The following RPH3A variants were observed in gnomAD, a reference collection of about 807,000 sequenced individuals.
RPH3A encodes rabphilin-3A.
In RPH3A, 48 loss-of-function variants were observed where a neutral mutation model predicts 102.2. That is an observed-to-expected ratio of 0.47 (90% CI 0.37 to 0.60). The LOEUF (loss-of-function observed/expected upper bound fraction) is 0.60. RPH3A is among the 20% of genes least tolerant of loss of function. RPH3A has a pLI of 0.00. For missense variants in RPH3A, 781 were observed against 910.1 expected (o/e 0.86, Z 1.83); for synonymous variants, 310 against 324.3 (o/e 0.96, Z 0.47).
chr12:112,680,237 A>G (rs879503721), intron 1 of RPH3A, among the ~76,000 whole-genome samples: 6 of 152,194 alleles, frequency 3.9e-5, no homozygotes, highest in Non-Finnish European at 8.8e-5. Context: ...GGAGAGTTTT[A>G]TGTGGTTGAA....
At chr12:112,771,697 C>T (rs190269776) in intron 1 of RPH3A, among the ~76,000 whole-genome samples, 3 of 152,298 alleles carry the variant, frequency 2.0e-5, no homozygotes, top group East Asian at 3.9e-4. Flanking sequence ...CAAGATGGCT[C>T]ACTTCTTCAT....
intron 4 of RPH3A, 129 bp downstream of exon 4, chr12:112,836,631 T>A (rs569978110): frequency 2.8e-5 from 10 of 356,656 alleles, no homozygotes; most frequent in African/African-American, 1.7e-4. Flanking sequence ...AACATTTTTT[T>A]AAAAAGCTAA....
chr12:112,828,494 G>A (rs2041918213), intron 3 of RPH3A, 105 bp downstream of exon 3: 1 of 820,514 alleles, frequency 1.2e-6, no homozygotes, highest in Non-Finnish European at 2.0e-6. Context: ...CTGAGGAAGG[G>A]GGAGAGGAAC....
At chr12:112,751,732 A>C (rs905877929) in intron 1 of RPH3A, among the ~76,000 whole-genome samples, 1 of 152,204 alleles carries the variant, frequency 6.6e-6, no homozygotes, top group African/African-American at 2.4e-5. Context: ...CCTAGGCAAC[A>C]TAGGAAGACC....
chr12:112,807,192 A>T (rs944114785), intron 2 of RPH3A, among the ~76,000 whole-genome samples: 1 of 152,062 alleles, frequency 6.6e-6, no homozygotes, highest in African/African-American at 2.4e-5. Flanking sequence ...GATGTGATCC[A>T]TATTTTGAAA....
At chr12:112,638,051 G>T (rs927863619) in intron 1 of RPH3A, among the ~76,000 whole-genome samples, 1 of 151,972 alleles carries the variant, frequency 6.6e-6, no homozygotes, top group Admixed American at 6.6e-5. Context: ...CACGGGTCTG[G>T]ACCTCTCATG....
chr12:112,767,912 G>A (rs1224919414), intron 1 of RPH3A, among the ~76,000 whole-genome samples: 4 of 152,150 alleles, frequency 2.6e-5, no homozygotes, highest in African/African-American at 9.7e-5. Flanking sequence ...TCCAGAAGAG[G>A]CAAATCCATA....
chr12:112,795,050 C>G (rs990618481), intron 2 of RPH3A, among the ~76,000 whole-genome samples: 2 of 152,220 alleles, frequency 1.3e-5, no homozygotes, highest in Non-Finnish European at 2.9e-5. Context: ...TGCCTTTCTC[C>G]TTCTTATTGC....
chr12:112,712,963 C>CTTCTTCTTCTTCTTCT (rs1565856983), intron 1 of RPH3A, among the ~76,000 whole-genome samples: 1 of 77,948 alleles, frequency 1.3e-5, no homozygotes, highest in African/African-American at 4.9e-5. Context: ...TCTTCTTCTT[C>CTTCTTCTTCTTCTTCT]TTTCTTCTTC....
rs373208928 is a variant in RPH3A at position 112,858,096 on chromosome 12, G to C, written c.231-7318G>C. 2.4e-4 allele frequency among the ~76,000 whole-genome samples: 37 copies of C among 151,900 alleles called. 1 individual carries two copies. Among genetic ancestry groups the C allele is most frequent in the South Asian group, 1.9e-3 (9 of 4,798 alleles). ...AAGACGAGCCTGAGCAATATAGTGA[G>C]ACCTCATATCTATAAAAAATAATAG... On this transcript the variant is annotated intron_variant, in intron 5 of 21. Coordinates refer to ENST00000389385, the MANE Select transcript of RPH3A (RefSeq NM_001143854.2).
At chr12:112,738,696 C>T (rs7314022) in intron 1 of RPH3A, among the ~76,000 whole-genome samples, 85,530 of 151,922 alleles carry the variant, frequency 0.56, 24,219 homozygotes, top group East Asian at 0.78. Flanking sequence ...GATGACTCAC[C>T]GGATGGTTTT....
chr12:112,684,526 C>G (rs2040249394), intron 1 of RPH3A, among the ~76,000 whole-genome samples: 1 of 152,072 alleles, frequency 6.6e-6, no homozygotes, highest in Non-Finnish European at 1.5e-5. Flanking sequence ...TCTCAGCCTC[C>G]CAAGGTACTG....
intron 1 of RPH3A, among the ~76,000 whole-genome samples, chr12:112,631,943 A>G (rs1163436607): frequency 6.6e-6 from 1 of 152,202 alleles, no homozygotes; most frequent in Non-Finnish European, 1.5e-5. Flanking sequence ...TGTGCCTGAT[A>G]TAGTTTGGTT....
intron 2 of RPH3A, among the ~76,000 whole-genome samples, chr12:112,822,343 GTGC>G (rs950966187): frequency 4.6e-5 from 7 of 152,236 alleles, no homozygotes; most frequent in African/African-American, 1.7e-4. Context: ...GTGCCCTGAA[GTGC>G]TGCATAAAAT....
chr12:112,805,053 C>T (rs544911770), intron 2 of RPH3A, among the ~76,000 whole-genome samples: 1 of 152,220 alleles, frequency 6.6e-6, no homozygotes, highest in Non-Finnish European at 1.5e-5. Flanking sequence ...ACAAACAAAC[C>T]TCTATCCTGA....
chr12:112,669,539 C>G (rs192359413), intron 1 of RPH3A, among the ~76,000 whole-genome samples: 27 of 152,152 alleles, frequency 1.8e-4, no homozygotes, highest in Admixed American at 3.9e-4. Context: ...TAACCCACAT[C>G]GCAAGGAAAT....
chr12:112,764,698 A>ATTT (rs568773621), intron 1 of RPH3A, among the ~76,000 whole-genome samples: 68 of 151,770 alleles, frequency 4.5e-4, no homozygotes, highest in African/African-American at 1.5e-3. Flanking sequence ...TATTATTATT[A>ATTT]TTTTTTTGCA....
intron 3 of RPH3A, among the ~76,000 whole-genome samples, chr12:112,835,195 T>C (rs1160765791): frequency 6.6e-6 from 1 of 152,234 alleles, no homozygotes; most frequent in East Asian, 1.9e-4. Context: ...GAAGACACTA[T>C]TGAACTCTGT....
intron 1 of RPH3A, among the ~76,000 whole-genome samples, chr12:112,676,990 G>C (rs1425267092): frequency 6.6e-6 from 1 of 152,164 alleles, no homozygotes; most frequent in Non-Finnish European, 1.5e-5. Context: ...CCTGTGTGAG[G>C]TTCTCCGGTT....
Sources: gnomAD v4.1 joint callset for allele counts (sites outside exome capture counted in the v4.1 genomes callset) on GRCh38, gnomAD v4.1.1 for gene constraint, MANE v1.5 for transcripts, NCBI Gene and HGNC (gene_info 2026-07-23, HGNC 2026-07-21) for gene names.